Variants in SMAD2 observed in about 807,000 individuals in gnomAD.
The protein encoded by SMAD2 is SMAD family member 2.
Under a neutral mutation model 64.4 loss-of-function variants are expected in SMAD2, and 8 were observed. That is an observed-to-expected ratio of 0.12 (90% CI 0.07 to 0.22). The LOEUF is 0.22. SMAD2 is among the 10% of genes least tolerant of loss of function. The pLI is 1.00. For synonymous variants in SMAD2, 203 were observed against 195.8 expected (o/e 1.04, Z -0.31); for missense variants, 289 against 561.2 (o/e 0.51, Z 4.90).
chr18:47,861,691 CTA>C (rs1491380835), intron 6 of SMAD2, among the ~76,000 whole-genome samples: 3 of 152,158 alleles, frequency 2.0e-5, no homozygotes, highest in African/African-American at 7.2e-5. Context: ...TCTTACTTTC[CTA>C]TTTTATAGAG....
chr18:47,849,487 GTATATA>G (rs10584029), intron 7 of SMAD2, among the ~76,000 whole-genome samples: 75,586 of 148,220 alleles, frequency 0.51, 19,513 homozygotes, highest in East Asian at 0.78. Context: ...AGAAATGTAT[GTATATA>G]TATATATATA....
chr18:47,870,413 C>T (rs2144383339), intron 3 of SMAD2, 62 bp downstream of exon 3: 1 of 1,242,666 alleles, frequency 8.0e-7, no homozygotes, highest in Non-Finnish European at 1.2e-6. Flanking sequence ...CCATATAGGT[C>T]TTTCAAAATA....
intron 2 of SMAD2, among the ~76,000 whole-genome samples, chr18:47,893,505 C>T (rs558579969): frequency 9.8e-5 from 15 of 152,334 alleles, no homozygotes; most frequent in African/African-American, 3.6e-4. Flanking sequence ...ACTTTACTAA[C>T]ATTTTACTTG....
intron 7 of SMAD2, among the ~76,000 whole-genome samples, chr18:47,849,913 CA>C (rs1022655439): frequency 6.6e-6 from 1 of 151,464 alleles, no homozygotes; most frequent in Admixed American, 6.6e-5. Context: ...GAGGCTGAGG[CA>C]GAGAATTGCT....
intron 5 of SMAD2, chr18:47,866,868 A>C (rs2031600810): frequency 6.6e-6 from 1 of 152,216 alleles, no homozygotes; most frequent in African/African-American, 2.4e-5. Context: ...TAAAGGAATA[A>C]AAAAGAAAGG....
intron 1 of SMAD2, among the ~76,000 whole-genome samples, chr18:47,918,607 A>C (rs1382930821): frequency 1.3e-5 from 2 of 152,366 alleles, no homozygotes; most frequent in African/African-American, 4.8e-5. Context: ...AGCTTCAGGA[A>C]AAGACTATAC....
intron 6 of SMAD2, among the ~76,000 whole-genome samples, chr18:47,860,690 A>G (rs921196919): frequency 9.8e-5 from 14 of 142,566 alleles, no homozygotes; most frequent in Admixed American, 5.0e-4. Flanking sequence ...TAATAAACAC[A>G]TTACAAGGGA....
In SMAD2 at chr18:47,840,762, T is replaced by C. The variant is rs979280473; in HGVS notation, c.*1065A>G. 2 of 231,298 alleles carry C rather than the reference T, an allele frequency of 8.6e-6. No homozygotes were observed. Among genetic ancestry groups the C allele is most frequent in the East Asian group, 6.1e-5 (1 of 16,296 alleles). 14.3% of individuals were successfully genotyped at this position (231,298 alleles called of 1,614,324 possible). A position where few individuals can be genotyped will look rare whatever the true frequency, so the allele number is the denominator to read the frequency against. Reference sequence around the variant, plus strand: ...GAGCAGAAGGTCTGCTGTTGAAATATTGTAAAATACCTTTGGAAAAACGGT... The same window carrying C: ...GAGCAGAAGGTCTGCTGTTGAAATACTGTAAAATACCTTTGGAAAAACGGT... On this transcript the variant is annotated 3_prime_UTR_variant, in exon 11 of 11. Coordinates refer to ENST00000262160, the MANE Select transcript of SMAD2 (RefSeq NM_005901.6).
At chr18:47,891,842 A>G (rs2033209819) in intron 2 of SMAD2, among the ~76,000 whole-genome samples, 1 of 152,184 alleles carries the variant, frequency 6.6e-6, no homozygotes, top group Admixed American at 6.5e-5. Flanking sequence ...AAATTGCCCA[A>G]AAGTCCTATT....
Position 47,830,981 on chromosome 18 carries a change from T to C in SMAD2, c.*10846A>G, listed in dbSNP as rs1912968119. The C allele has an allele frequency of 1.3e-5, 2 of 152,418 alleles. No individual in the cohort carries two copies. Among genetic ancestry groups the C allele is most frequent in the South Asian group, 4.1e-4 (2 of 4,828 alleles). The allele number at this position is 152,418 out of a possible 1,614,324, so 9.4% of individuals were successfully genotyped here. A position where few individuals can be genotyped will look rare whatever the true frequency, so the allele number is the denominator to read the frequency against. ...TAATACACACACACACACTAGGGTT[T>C]ATATGTAGCAACTTCCTCATCCTCA... On this transcript the variant is annotated 3_prime_UTR_variant, in exon 11 of 11. Coordinates refer to ENST00000262160, the MANE Select transcript of SMAD2 (RefSeq NM_005901.6).
Position 47,840,065 on chromosome 18 carries a change from G to A in SMAD2, c.*1762C>T, listed in dbSNP as rs1056365738. 2 of 232,950 alleles carry A rather than the reference G, an allele frequency of 8.6e-6. No homozygotes were observed. The highest frequency in any genetic ancestry group is 8.5e-6 in the Non-Finnish European group (1 of 117,988). The allele number at this position is 232,950 out of a possible 1,614,324, so 14.4% of individuals were successfully genotyped here. A position where few individuals can be genotyped will look rare whatever the true frequency, so the allele number is the denominator to read the frequency against. On this transcript the variant is annotated 3_prime_UTR_variant, in exon 11 of 11. Coordinates refer to ENST00000262160, the MANE Select transcript of SMAD2 (RefSeq NM_005901.6). Reference sequence around the variant, plus strand: ...CTAAGAAAAGTTCCTGGTACAAACAGGTGAACAATAAATATTTGTTGAATG... The same window carrying A: ...CTAAGAAAAGTTCCTGGTACAAACAAGTGAACAATAAATATTTGTTGAATG...
Position 47,827,075 on chromosome 18 carries a change from C to T in SMAD2, c.*14752G>A, listed in dbSNP as rs143402937. On this transcript the variant is annotated 3_prime_UTR_variant, in exon 11 of 11. Transcript: ENST00000262160. ...AGTCAAACTGCATTTTCCATTACAT[C>T]GGAAATGACCAAGGATTAAAATTAG... is the stretch of plus-strand genomic sequence containing the variant. The T allele has an allele frequency of 4.9e-4, 75 of 152,214 alleles. No individual in the cohort carries two copies. The highest frequency in any genetic ancestry group is 1.7e-3 in the African/African-American group (71 of 41,520). The allele number at this position is 152,214 out of a possible 1,614,324, so 9.4% of individuals were successfully genotyped here.
chr18:47,883,448 G>A (rs1046538569), intron 2 of SMAD2, among the ~76,000 whole-genome samples: 1 of 152,170 alleles, frequency 6.6e-6, no homozygotes, highest in Non-Finnish European at 1.5e-5. Flanking sequence ...TGAAACGCTT[G>A]TATTTCTACT....
intron 1 of SMAD2, among the ~76,000 whole-genome samples, chr18:47,925,596 G>A (rs1168519845): frequency 2.0e-5 from 3 of 152,164 alleles, no homozygotes; most frequent in Admixed American, 2.0e-4. Context: ...ATTGAATTAT[G>A]TCCTAACTGA....
intron 1 of SMAD2, among the ~76,000 whole-genome samples, chr18:47,908,423 T>C (rs1394137555): frequency 6.6e-6 from 1 of 152,066 alleles, no homozygotes; most frequent in Non-Finnish European, 1.5e-5. Flanking sequence ...CTTGGAGATT[T>C]GAGACAATCT....
intron 1 of SMAD2, among the ~76,000 whole-genome samples, chr18:47,902,708 C>G (rs1233050800): frequency 6.6e-6 from 1 of 152,136 alleles, no homozygotes; most frequent in Non-Finnish European, 1.5e-5. Context: ...TTCTAATAAT[C>G]AAAACTAGCC....
chr18:47,820,179 G>C lies in SMAD2; in HGVS notation c.*21648C>G, dbSNP rs1912521449. Reference sequence around the variant, plus strand: ...TTCTTGGCTTCCTAAATTATAGAAAGACTAAATATATTTGGGCCTATTAAT... The same window carrying C: ...TTCTTGGCTTCCTAAATTATAGAAACACTAAATATATTTGGGCCTATTAAT... On this transcript the variant is annotated 3_prime_UTR_variant, in exon 11 of 11. Coordinates refer to ENST00000262160, the MANE Select transcript of SMAD2 (RefSeq NM_005901.6). The C allele has an allele frequency of 2.0e-5, 3 of 151,832 alleles. No homozygotes were observed. The South Asian group carries it at 6.3e-4, about 32-fold the overall frequency. 9.4% of individuals were successfully genotyped at this position (151,832 alleles called of 1,614,324 possible). A position where few individuals can be genotyped will look rare whatever the true frequency, so the allele number is the denominator to read the frequency against.
At chr18:47,851,772 C>T (rs546618086) in intron 6 of SMAD2, among the ~76,000 whole-genome samples, 2 of 152,220 alleles carry the variant, frequency 1.3e-5, no homozygotes, top group South Asian at 2.1e-4. Flanking sequence ...CACATAACAT[C>T]GCGATCCCAC....
At chr18:47,860,429 C>T (rs1327394152) in intron 6 of SMAD2, among the ~76,000 whole-genome samples, 1 of 151,502 alleles carries the variant, frequency 6.6e-6, no homozygotes, top group Non-Finnish European at 1.5e-5. Context: ...ATGCCACTAC[C>T]CCTGGCTAAT....
Sources: gnomAD v4.1 joint callset for allele counts (sites outside exome capture counted in the v4.1 genomes callset) on GRCh38, gnomAD v4.1.1 for gene constraint, MANE v1.5 for transcripts, NCBI Gene and HGNC (gene_info 2026-07-23, HGNC 2026-07-21) for gene names.